NEBL: variants seen among roughly 807,000 people sequenced by gnomAD.
NEBL encodes nebulette.
NEBL carries 122 observed loss-of-function variants against 140.2 expected under a neutral mutation model. The observed-to-expected ratio is 0.87, with a 90% CI of 0.75 to 1.01. The LOEUF is 1.01. NEBL is among the 50% of genes least tolerant of loss of function. NEBL has a pLI of 0.00. For synonymous variants in NEBL, 436 were observed against 398.9 expected (o/e 1.09, Z -1.11); for missense variants, 1,365 against 1,231.3 (o/e 1.11, Z -1.62).
In NEBL at chr10:21,146,526, A is replaced by AGAAAATGGT. The variant is rs1487132477; in HGVS notation, c.164+25848_164+25856dup. 3 of 1,597,734 alleles carry AGAAAATGGT rather than the reference A, an allele frequency of 1.9e-6. No homozygotes were observed. In the South Asian group the frequency reaches 3.4e-5, roughly 18 times the overall value. On this transcript the variant is annotated intron_variant, in intron 2 of 6. Coordinates refer to the NEBL transcript ENST00000417816. The stretch of plus-strand genomic sequence containing the variant: ...TTAGCCATCCTACTCCTGCATTATC[A>AGAAAATGGT]GAAAATGGTGAAAATGGTGCTGTGT...
chr10:20,917,995 T>A (rs1009533666), intron 4 of NEBL, among the ~76,000 whole-genome samples: 1 of 152,170 alleles, frequency 6.6e-6, no homozygotes, highest in African/African-American at 2.4e-5. Flanking sequence ...GGATCCAAAA[T>A]GATATATGCA....
chr10:20,798,408 A>C (rs982679873), intron 26 of NEBL, among the ~76,000 whole-genome samples: 1 of 152,204 alleles, frequency 6.6e-6, no homozygotes, highest in Non-Finnish European at 1.5e-5. Context: ...AAGCAGGGAA[A>C]TTTGTGACTG....
Position 20,871,508 on chromosome 10 carries a change from CGTTAT to C in NEBL, c.481-1672_481-1668del, listed in dbSNP as rs1217461309. Among the ~76,000 whole-genome samples the C allele has an allele frequency of 3.3e-5, 5 of 152,038 alleles. No homozygotes were observed. The East Asian group carries it at 7.7e-4, about 23-fold the overall frequency. On this transcript the variant is annotated intron_variant, in intron 5 of 27. Coordinates refer to ENST00000377122, the MANE Select transcript of NEBL (RefSeq NM_006393.3). ...TTAATACATCAACAGGCTCCCTGTG[CGTTAT>C]GTTATTTTATTTCAATGAAACATTT...
intron 3 of NEBL, among the ~76,000 whole-genome samples, chr10:21,009,270 T>C (rs1838246881): frequency 6.6e-6 from 1 of 152,202 alleles, no homozygotes; most frequent in Non-Finnish European, 1.5e-5. Flanking sequence ...AGTAAATCGC[T>C]TGGAATTGGT....
intron 4 of NEBL, among the ~76,000 whole-genome samples, chr10:20,956,584 C>T (rs1835815046): frequency 6.6e-6 from 1 of 152,112 alleles, no homozygotes; most frequent in Admixed American, 6.5e-5. Context: ...CCACTTATGA[C>T]TTACAATAAA....
At chr10:20,958,820 GA>G (rs1835924711) in intron 4 of NEBL, among the ~76,000 whole-genome samples, 10 of 152,116 alleles carry the variant, frequency 6.6e-5, no homozygotes, top group Admixed American at 6.6e-4. Context: ...CAGCTACCCA[GA>G]AAAGGCAAGT....
At chr10:20,938,990 T>C (rs4304659) in intron 4 of NEBL, among the ~76,000 whole-genome samples, 105,969 of 151,982 alleles carry the variant, frequency 0.7, 37,118 homozygotes, top group Admixed American at 0.8. Flanking sequence ...ATGGGGAGAA[T>C]GGAACCAAGT....
intron 1 of NEBL, among the ~76,000 whole-genome samples, chr10:21,254,418 G>C (rs560094941): frequency 6.6e-6 from 1 of 152,014 alleles, no homozygotes; most frequent in Non-Finnish European, 1.5e-5. Flanking sequence ...CACCATACCT[G>C]GCCCAATAAT....
chr10:21,030,221 C>T (rs1833722828), intron 2 of NEBL: 1 of 524,822 alleles, frequency 1.9e-6, no homozygotes, highest in African/African-American at 2.0e-5. Flanking sequence ...GGAGAGACAC[C>T]CAAGCTGGCG....
At chr10:20,850,562 T>A in intron 10 of NEBL, 60 bp from the exon 11 acceptor site, 1 of 1,066,346 alleles carries the variant, frequency 9.4e-7, no homozygotes, top group African/African-American at 1.6e-5. Context: ...CAGAGCAAAC[T>A]AAGAAAAAAT....
chr10:21,178,821 G>A (rs538950145), upstream of NEBL, among the ~76,000 whole-genome samples: 6 of 152,204 alleles, frequency 3.9e-5, no homozygotes, highest in South Asian at 4.2e-4. Context: ...TTCTAGACTC[G>A]GAAAGAGGAA....
intron 19 of NEBL, 68 bp from the exon 20 acceptor site, chr10:20,819,584 A>T (rs1839082415): frequency 3.8e-6 from 6 of 1,573,292 alleles, no homozygotes; most frequent in East Asian, 2.2e-5. Flanking sequence ...ATTGCAACAG[A>T]TTTTTTTTAA....
chr10:21,221,516 T>TTCTG (rs200353826), intron 3 of NEBL, among the ~76,000 whole-genome samples: 1 of 148,486 alleles, frequency 6.7e-6, no homozygotes, highest in African/African-American at 2.5e-5. Flanking sequence ...CTTTCTTTCT[T>TTCTG]TTTTTTTTGA....
intron 2 of NEBL, chr10:21,146,302 C>G (rs758077221): frequency 6.5e-7 from 1 of 1,543,650 alleles, no homozygotes; most frequent in African/African-American, 1.4e-5. Flanking sequence ...TGTCTCAGCA[C>G]ACCCATGCAG....
intron 3 of NEBL, among the ~76,000 whole-genome samples, chr10:20,984,641 C>T (rs549216116): frequency 4.6e-5 from 7 of 151,784 alleles, no homozygotes; most frequent in Non-Finnish European, 8.8e-5. Context: ...AGTCTTCCCC[C>T]ATTCATTCTC....
At chr10:21,073,789 C>T (rs1029926885) in intron 2 of NEBL, among the ~76,000 whole-genome samples, 3 of 150,766 alleles carry the variant, frequency 2.0e-5, no homozygotes, top group Non-Finnish European at 4.4e-5. Flanking sequence ...GAAATGCCTA[C>T]TATAGCCAGG....
At chr10:21,067,300 A>G (rs780709113) in intron 2 of NEBL, among the ~76,000 whole-genome samples, 3 of 152,222 alleles carry the variant, frequency 2.0e-5, no homozygotes, top group African/African-American at 7.2e-5. Flanking sequence ...AGTGAAATAC[A>G]TAAATGCTGG....
intron 3 of NEBL, among the ~76,000 whole-genome samples, chr10:21,180,123 T>A (rs555181323): frequency 2.7e-5 from 4 of 150,022 alleles, no homozygotes; most frequent in African/African-American, 7.4e-5. Flanking sequence ...GGTAACAGAG[T>A]GAGACTCGGT....
chr10:21,040,183 T>C (rs1834207428), intron 2 of NEBL, among the ~76,000 whole-genome samples: 1 of 151,932 alleles, frequency 6.6e-6, no homozygotes, highest in African/African-American at 2.4e-5. Context: ...CTGGCCAACA[T>C]GATGAAACCC....
Sources: allele counts gnomAD v4.1 joint callset (sites outside exome capture counted in the v4.1 genomes callset), GRCh38; gene constraint gnomAD v4.1.1; transcripts MANE v1.5; gene names NCBI Gene and HGNC (gene_info 2026-07-23, HGNC 2026-07-21).